The following RGL1 variants were observed in gnomAD, a reference collection of about 807,000 sequenced individuals.
The protein encoded by RGL1 is ral guanine nucleotide dissociation stimulator-like 1.
A neutral mutation model predicts 95.2 loss-of-function variants in RGL1; 24 were observed. The ratio of observed to expected loss-of-function variants is 0.25; its 90% CI spans 0.18 to 0.35. RGL1 has a LOEUF of 0.35. RGL1 is among the 10% of genes least tolerant of loss of function. The pLI is 1.00. For missense variants in RGL1, 715 were observed against 936.3 expected (o/e 0.76, Z 3.08); for synonymous variants, 329 against 344.9 (o/e 0.95, Z 0.51).
chr1:183,836,193 A>G (rs1450827199), intron 2 of RGL1, among the ~76,000 whole-genome samples: 4 of 152,180 alleles, frequency 2.6e-5, no homozygotes, highest in African/African-American at 9.6e-5. Flanking sequence ...CTTAGAATTA[A>G]TGTATAGCTT....
intron 1 of RGL1, among the ~76,000 whole-genome samples, chr1:183,675,213 A>G (rs922164528): frequency 6.6e-6 from 1 of 152,116 alleles, no homozygotes. Flanking sequence ...TTTGGTTGGG[A>G]TGGGGAAAGT....
intron 3 of RGL1, among the ~76,000 whole-genome samples, chr1:183,863,750 C>T (rs1665659522): frequency 1.3e-5 from 2 of 152,172 alleles, no homozygotes; most frequent in African/African-American, 2.4e-5. Context: ...AGATTTGAGC[C>T]TCAGCAACTG....
At chr1:183,785,259 A>G (rs1354015213) in intron 2 of RGL1, among the ~76,000 whole-genome samples, 1 of 152,224 alleles carries the variant, frequency 6.6e-6, no homozygotes, top group African/African-American at 2.4e-5. Context: ...CTTCAGGTGT[A>G]TCAAACTATT....
At chr1:183,912,613 A>G (rs1473550630) in intron 15 of RGL1, among the ~76,000 whole-genome samples, 1 of 152,242 alleles carries the variant, frequency 6.6e-6, no homozygotes, top group Non-Finnish European at 1.5e-5. Context: ...TGTCTTAGCC[A>G]AGCATTTATC....
chr1:183,779,080 C>G (rs1167748378), intron 2 of RGL1, among the ~76,000 whole-genome samples: 2 of 152,078 alleles, frequency 1.3e-5, no homozygotes, highest in Non-Finnish European at 2.9e-5. Flanking sequence ...GGACAGACTG[C>G]TATCAGTAAG....
chr1:183,875,364 A>G (rs1323326552), intron 4 of RGL1, among the ~76,000 whole-genome samples: 1 of 152,204 alleles, frequency 6.6e-6, no homozygotes, highest in Non-Finnish European at 1.5e-5. Context: ...TGTTAATATG[A>G]TTTAATACGT....
chr1:183,780,314 G>A (rs1659831891), intron 2 of RGL1, among the ~76,000 whole-genome samples: 2 of 152,144 alleles, frequency 1.3e-5, no homozygotes, highest in African/African-American at 4.8e-5. Context: ...TTGGATTGAG[G>A]GATACAGGAT....
At chr1:183,846,773 G>A (rs1191309327) in intron 2 of RGL1, among the ~76,000 whole-genome samples, 1 of 152,004 alleles carries the variant, frequency 6.6e-6, no homozygotes, top group African/African-American at 2.4e-5. Flanking sequence ...CCAGCTACTC[G>A]GGAGGCTGAG....
chr1:183,892,946 A>G (rs772621012), intron 9 of RGL1, among the ~76,000 whole-genome samples: 4 of 152,280 alleles, frequency 2.6e-5, no homozygotes, highest in Non-Finnish European at 5.9e-5. Flanking sequence ...AGAGAGGGTA[A>G]TAACCTGCCC....
intron 2 of RGL1, among the ~76,000 whole-genome samples, chr1:183,785,005 A>G (rs12141682): frequency 5.4e-4 from 82 of 152,266 alleles, no homozygotes; most frequent in Non-Finnish European, 1.0e-3. Context: ...CATTCTTTTC[A>G]TGTGGCTTCT....
At chr1:183,737,464 A>G (rs1657010215) in intron 1 of RGL1, among the ~76,000 whole-genome samples, 1 of 152,172 alleles carries the variant, frequency 6.6e-6, no homozygotes, top group Admixed American at 6.5e-5. Context: ...TATTTTAAAA[A>G]GAAGACTAGG....
At chr1:183,751,501 C>T (rs1004513806) in intron 2 of RGL1, among the ~76,000 whole-genome samples, 1 of 152,086 alleles carries the variant, frequency 6.6e-6, no homozygotes, top group East Asian at 1.9e-4. Flanking sequence ...AGGGGTTTGA[C>T]CTGCTGAGTG....
intron 2 of RGL1, among the ~76,000 whole-genome samples, chr1:183,837,049 G>A (rs1053859706): frequency 1.4e-4 from 22 of 152,128 alleles, no homozygotes; most frequent in South Asian, 6.2e-4. Flanking sequence ...CCTTAATGTG[G>A]TATACGGAGT....
At chr1:183,750,173 CT>C (rs1245958528) in intron 2 of RGL1, among the ~76,000 whole-genome samples, 1 of 152,206 alleles carries the variant, frequency 6.6e-6, no homozygotes, top group Non-Finnish European at 1.5e-5. Context: ...TGGTTCCATT[CT>C]CCCCATCGCT....
chr1:183,911,116 C>T (rs1668617430), intron 14 of RGL1, among the ~76,000 whole-genome samples: 1 of 152,052 alleles, frequency 6.6e-6, no homozygotes, highest in Non-Finnish European at 1.5e-5. Flanking sequence ...AAGGTATATC[C>T]CTCCCGCAAG....
At position 183,816,956 on chromosome 1, in the gene RGL1, A is replaced by C. The variant is rs570743120; in HGVS notation, c.138+10471A>C. 3.9e-5 allele frequency among the ~76,000 whole-genome samples: 6 copies of C among 152,174 alleles called. No individual in the cohort carries two copies. The East Asian group carries it at 5.8e-4, about 15-fold the overall frequency. On this transcript the variant is annotated intron_variant, in intron 2 of 17. Transcript: ENST00000360851. ...TGTAGATTGGTTGTGGGAAAAAAAA[A>C]CCCCATACTCACAGGATTCTTAAGA...
intron 15 of RGL1, among the ~76,000 whole-genome samples, chr1:183,912,850 C>T (rs964729792): frequency 2.0e-5 from 3 of 152,190 alleles, no homozygotes; most frequent in East Asian, 3.9e-4. Flanking sequence ...CAAGCCCACT[C>T]GCAAGCATAT....
At chr1:183,901,982 A>T (rs894984910) in intron 11 of RGL1, among the ~76,000 whole-genome samples, 1 of 152,190 alleles carries the variant, frequency 6.6e-6, no homozygotes, top group Admixed American at 6.5e-5. Context: ...TTGTGGACAC[A>T]TTTATTCATT....
intron 1 of RGL1, among the ~76,000 whole-genome samples, chr1:183,661,126 C>A (rs1651589602): frequency 6.6e-6 from 1 of 151,752 alleles, no homozygotes; most frequent in Non-Finnish European, 1.5e-5. Context: ...AAATTGACAC[C>A]CTAACATCAC....
Sources: gnomAD v4.1 joint callset for allele counts (sites outside exome capture counted in the v4.1 genomes callset) on GRCh38, gnomAD v4.1.1 for gene constraint, MANE v1.5 for transcripts, NCBI Gene and HGNC (gene_info 2026-07-23, HGNC 2026-07-21) for gene names.